PRIMPOL: variants seen among roughly 807,000 people sequenced by gnomAD.
The protein encoded by PRIMPOL is primase and DNA directed polymerase.
In PRIMPOL, 54 loss-of-function variants were observed where a neutral mutation model predicts 63.6. The observed-to-expected ratio is 0.85, with a 90% confidence interval of 0.68 to 1.07. The LOEUF is 1.07. PRIMPOL is among the 50% of genes least tolerant of loss of function. PRIMPOL has a pLI of 0.00. For synonymous variants in PRIMPOL, 197 were observed against 220.2 expected (o/e 0.89, Z 0.93); for missense variants, 610 against 648.3 (o/e 0.94, Z 0.64).
intron 8 of PRIMPOL, among the ~76,000 whole-genome samples, chr4:184,679,287 A>AT (rs1754966353): frequency 6.6e-6 from 1 of 152,126 alleles, no homozygotes; most frequent in East Asian, 1.9e-4. Flanking sequence ...TGTTTTGATC[A>AT]TTTTTTAAAA....
intron 13 of PRIMPOL, among the ~76,000 whole-genome samples, chr4:184,692,290 A>G (rs945384861): frequency 6.6e-6 from 1 of 151,942 alleles, no homozygotes; most frequent in South Asian, 2.1e-4. Context: ...CCTGGCCAAC[A>G]TGGAGAAACC....
chr4:184,683,368 G>A (rs1032640522), intron 9 of PRIMPOL, among the ~76,000 whole-genome samples: 2 of 151,444 alleles, frequency 1.3e-5, no homozygotes, highest in Non-Finnish European at 2.9e-5. Flanking sequence ...GTTGCAGTGA[G>A]CTGAGATTGT....
rs1760178270 is a variant in PRIMPOL at position 184,694,890 on chromosome 4, C to T, written c.*111C>T. 1.0e-6 allele frequency: 1 copy of T among 991,166 alleles called. No individual in the cohort carries two copies. The highest frequency in any genetic ancestry group is 2.0e-5 in the South Asian group (1 of 50,966). 61.4% of individuals were successfully genotyped at this position (991,166 alleles called of 1,614,324 possible). On this transcript the variant is annotated 3_prime_UTR_variant, in exon 14 of 14. Transcript: ENST00000314970. The stretch of plus-strand genomic sequence containing the variant: ...ATATAAACTAAGTTTTATTACTTTG[C>T]TTTCCAATTTTTGTTTTTTACTTCT...
At chr4:184,663,234 A>G (rs1748902489) in intron 5 of PRIMPOL, among the ~76,000 whole-genome samples, 1 of 151,882 alleles carries the variant, frequency 6.6e-6, no homozygotes, top group Admixed American at 6.6e-5. Context: ...TAGTAGAGAT[A>G]GGGTTTTGCC....
chr4:184,666,775 G>A lies in PRIMPOL; in HGVS notation c.556+711G>A, dbSNP rs763685086. Among the ~76,000 whole-genome samples the A allele has an allele frequency of 3.9e-5, 6 of 152,348 alleles. No individual in the cohort carries two copies. The South Asian group carries it at 1.2e-3, about 32-fold the overall frequency. ...TCCCAGGTCGTATCAAAGATGGCTT[G>A]TTTATTGTTCCAGGCAGAGCTTCAG... On this transcript the variant is annotated intron_variant, in intron 6 of 13. Transcript: ENST00000314970.
chr4:184,665,796 C>T (rs149618643), intron 5 of PRIMPOL, 121 bp from the exon 6 acceptor site: 33 of 598,970 alleles, frequency 5.5e-5, no homozygotes, highest in South Asian at 8.8e-5. Flanking sequence ...TGAGCCACCA[C>T]GCCTGATCAG....
At position 184,692,942 on chromosome 4, in the gene PRIMPOL, C is replaced by CT. The variant is rs1759248758; in HGVS notation, c.1425+1236dup. ...CTGTCCTCTGTCCATTTTTCTGTAA[C>CT]TTTTTTGCAGTAATTAAGTACTGTT... On this transcript the variant is annotated intron_variant, in intron 13 of 13. Coordinates refer to ENST00000314970, the MANE Select transcript of PRIMPOL (RefSeq NM_152683.4). 2.0e-5 allele frequency among the ~76,000 whole-genome samples: 3 copies of CT among 152,160 alleles called. No individual in the cohort carries two copies. The South Asian group carries it at 6.2e-4, about 32-fold the overall frequency.
chr4:184,666,683 C>A (rs1430677446), intron 6 of PRIMPOL, among the ~76,000 whole-genome samples: 2 of 152,192 alleles, frequency 1.3e-5, no homozygotes, highest in African/African-American at 4.8e-5. Context: ...CTTTCCATTT[C>A]AAGCCTTATC....
intron 13 of PRIMPOL, 25 bp from the exon 14 acceptor site, chr4:184,694,497 C>T: frequency 6.2e-7 from 1 of 1,604,582 alleles, no homozygotes; most frequent in Non-Finnish European, 8.5e-7. Flanking sequence ...ATCCCACTCT[C>T]TATCCCTTCA....
At chr4:184,694,322 G>A in intron 13 of PRIMPOL, 200 bp from the exon 14 acceptor site, 2 of 1,346,964 alleles carry the variant, frequency 1.5e-6, no homozygotes, top group Non-Finnish European at 1.9e-6. Context: ...TTTCAAGTGT[G>A]TCTGAGCTTC....
intron 8 of PRIMPOL, 43 bp from the exon 9 acceptor site, chr4:184,682,205 C>G: frequency 9.9e-7 from 1 of 1,012,416 alleles, no homozygotes; most frequent in Non-Finnish European, 1.6e-6. Context: ...TTGTTAGTTC[C>G]AGTGTGATGG....
At chr4:184,653,988 A>G (rs4862399) in intron 2 of PRIMPOL, among the ~76,000 whole-genome samples, 15,429 of 152,248 alleles carry the variant, frequency 0.1, 968 homozygotes, top group East Asian at 0.15. Context: ...CAAGCTGTGC[A>G]GATATGAAGG....
chr4:184,672,096 A>T, intron 6 of PRIMPOL, 77 bp from the exon 7 acceptor site: 1 of 1,298,592 alleles, frequency 7.7e-7, no homozygotes, highest in Non-Finnish European at 1.1e-6. Flanking sequence ...AAATTGTCAT[A>T]TGTGGATTCC....
At chr4:184,656,389 C>T (rs184121484) in intron 2 of PRIMPOL, among the ~76,000 whole-genome samples, 3 of 152,100 alleles carry the variant, frequency 2.0e-5, no homozygotes, top group Non-Finnish European at 4.4e-5. Context: ...AAAGTTTTCC[C>T]ACTCTTCTAA....
At chr4:184,668,845 G>A (rs1433703205) in intron 6 of PRIMPOL, among the ~76,000 whole-genome samples, 2 of 151,412 alleles carry the variant, frequency 1.3e-5, no homozygotes, top group East Asian at 3.9e-4. Flanking sequence ...CCAGAGCTTA[G>A]CCCATAATAA....
At chr4:184,676,324 T>TCCTTC (rs140863192) in intron 7 of PRIMPOL, among the ~76,000 whole-genome samples, 1,459 of 78,530 alleles carry the variant, frequency 0.019, 47 homozygotes, top group African/African-American at 0.082. Flanking sequence ...CCCTTCCCTT[T>TCCTTC]CCTTCCCTTC....
Position 184,657,081 on chromosome 4 carries a change from G to A in PRIMPOL, c.-59-1G>A, listed in dbSNP as rs1746664735. Reference sequence around the variant, plus strand: ...GCCTTTTTGTTTGTTGTTTGTTTTAGTAGTAATTGATAGAAATATTACGTG... The same window carrying A: ...GCCTTTTTGTTTGTTGTTTGTTTTAATAGTAATTGATAGAAATATTACGTG... On this transcript the variant is annotated splice_acceptor_variant, in intron 2 of 13. Transcript: ENST00000314970. LOFTEE classifies it low-confidence loss of function (5UTR_SPLICE). 4.9e-6 allele frequency: 6 copies of A among 1,233,688 alleles called. No individual in the cohort carries two copies. The allele number at this position is 1,233,688 out of a possible 1,614,324, so 76.4% of individuals were successfully genotyped here. A position where few individuals can be genotyped will look rare whatever the true frequency, so the allele number is the denominator to read the frequency against.
At chr4:184,693,633 A>G (rs1347637722) in intron 13 of PRIMPOL, among the ~76,000 whole-genome samples, 2 of 152,208 alleles carry the variant, frequency 1.3e-5, no homozygotes, top group African/African-American at 2.4e-5. Context: ...TAAATTTACT[A>G]TAAAGGCCTA....
intron 7 of PRIMPOL, among the ~76,000 whole-genome samples, chr4:184,675,765 C>T (rs1217417259): frequency 7.2e-5 from 11 of 151,840 alleles, no homozygotes; most frequent in Non-Finnish European, 1.5e-5. Context: ...TGCAGTGAGC[C>T]GAGATCATAC....
Sources: gnomAD v4.1 joint callset for allele counts (sites outside exome capture counted in the v4.1 genomes callset) on GRCh38, gnomAD v4.1.1 for gene constraint, MANE v1.5 for transcripts, NCBI Gene and HGNC (gene_info 2026-07-23, HGNC 2026-07-21) for gene names.